Variants in SRRT observed in about 807,000 individuals in gnomAD.
SRRT encodes the protein serrate RNA effector molecule homolog.
SRRT carries 32 observed loss-of-function variants against 103.2 expected under a neutral mutation model. That is an observed-to-expected ratio of 0.31 (90% confidence interval 0.23 to 0.42). The LOEUF (loss-of-function observed/expected upper bound fraction) is 0.42, where lower values mean the gene tolerates loss of function less well. Among genes scored for constraint, SRRT ranks in the 10% least tolerant of loss-of-function variants. The pLI is 1.00. For missense variants in SRRT, 986 were observed against 1,207.5 expected, an observed-to-expected ratio of 0.82 and a Z score of 2.72; for synonymous variants, 525 against 449.0, an observed-to-expected ratio of 1.17 and a Z score of -2.14.
intron 2 of SRRT, among the ~76,000 whole-genome samples, chr7:100,878,432 T>C (rs746796565): frequency 6.6e-6 from 1 of 152,184 alleles, no homozygotes; most frequent in Non-Finnish European, 1.5e-5. Context: ...CATTTTGATA[T>C]TGGGTGAGAC....
At position 100,884,637 on chromosome 7, in the gene SRRT, G is replaced by C. The variant is rs1789908609; in HGVS notation, c.942+85G>C. The C allele has an allele frequency of 2.6e-6, 4 of 1,532,038 alleles. No homozygotes were observed. In the South Asian group the frequency reaches 3.5e-5, roughly 13 times the overall value. The allele number at this position is 1,532,038 out of a possible 1,614,324, so 94.9% of individuals were successfully genotyped here. A position where few individuals can be genotyped will look rare whatever the true frequency, so the allele number is the denominator to read the frequency against. ...GGGTCCATAGGAGCTAGAAGTAGGG[G>C]GCTGGGGAAAATGAACCTGTGGCCT... On this transcript the variant is annotated intron_variant, in intron 7 of 19. Transcript: ENST00000611405.
chr7:100,886,084 A>G (rs1291497531), intron 12 of SRRT, 143 bp downstream of exon 12: 3 of 1,283,256 alleles, frequency 2.3e-6, no homozygotes, highest in Admixed American at 4.1e-5. Flanking sequence ...TCTCTGGGCA[A>G]GGCTCTAGGG....
chr7:100,886,853 T>G lies in SRRT; in HGVS notation c.1706T>G (p.Val569Gly). Residue 569 changes from valine to glycine, a missense_variant, in exon 14 of 20, where the codon GTA becomes GGA. Val to Gly is a moderately radical substitution (Grantham distance 109). This residue lies in a region of SRRT where 349 missense variants were observed against 446.9 expected (regional missense o/e 0.78). Transcript: ENST00000611405. ...KNITDYLIEE[V>G]SAEEEELLGS... ...ATCACCGACTACCTGATCGAGGAAGTAAGCGCCGAGGAGGAGGAGCTGCTG... is the reference window on the plus strand; with the variant it reads ...ATCACCGACTACCTGATCGAGGAAGGAAGCGCCGAGGAGGAGGAGCTGCTG... The G allele has an allele frequency of 6.2e-7, 1 of 1,614,076 alleles. No homozygotes were observed. The highest frequency in any genetic ancestry group is 8.5e-7 in the Non-Finnish European group (1 of 1,179,990).
chr7:100,880,321 G>T (rs546888100), intron 2 of SRRT, among the ~76,000 whole-genome samples: 2 of 152,238 alleles, frequency 1.3e-5, no homozygotes, highest in African/African-American at 4.8e-5. Context: ...TTTGGTGGGG[G>T]GGATGAAGTC....
chr7:100,885,992 A>G lies in SRRT; in HGVS notation c.1458+51A>G. 6.3e-7 allele frequency: 1 copy of G among 1,582,812 alleles called. No individual in the cohort carries two copies. Among genetic ancestry groups the G allele is most frequent in the East Asian group, 2.2e-5 (1 of 44,710 alleles). On this transcript the variant is annotated intron_variant, in intron 12 of 19. Transcript: ENST00000611405. The surrounding 1 kb of genome is among the most constrained non-coding windows in gnomAD (Gnocchi z 4.8). ...GGAAGAGGAAGGGAGACTCTGTGCC[A>G]CACGGGACCTCTGTGTGACTTTGTT...
In SRRT at chr7:100,888,095, G is replaced by A. The variant is rs758306568; in HGVS notation, c.2380G>A (p.Gly794Ser). ...CCCCTACCCACACCAGACTCCCCAG[G>A]GCCTGATGCCCTATGGTCAGCCCCG... ...GLPYPHQTPQ[G>S]LMPYGQPRPP... The change falls in exon 18 of 20, where the codon GGC becomes AGC. Residue 794 changes from glycine to serine, a missense_variant. Physicochemically the swap from Gly to Ser is moderately conservative, Grantham distance 56 (BLOSUM62 0). Around this residue, in one of 6 missense-constraint regions of SRRT, gnomAD observed 178 missense variants for 189.6 expected, o/e 0.94. Coordinates refer to ENST00000611405, the MANE Select transcript of SRRT (RefSeq NM_015908.6). 8 of 1,609,672 alleles carry A rather than the reference G, an allele frequency of 5.0e-6. No homozygotes were observed. The East Asian group carries it at 1.6e-4, about 31-fold the overall frequency.
chr7:100,878,899 CT>C (rs1816011092), intron 2 of SRRT, among the ~76,000 whole-genome samples: 1 of 151,456 alleles, frequency 6.6e-6, no homozygotes, highest in African/African-American at 2.4e-5. Flanking sequence ...CTTTTCTTTT[CT>C]TTTCCTTTCT....
At chr7:100,877,554 C>G (rs1194067816) in intron 2 of SRRT, among the ~76,000 whole-genome samples, 1 of 151,094 alleles carries the variant, frequency 6.6e-6, no homozygotes, top group East Asian at 2.0e-4. Context: ...CAGAATCTTG[C>G]TCTGTCACCC....
chr7:100,875,432 C>T (rs774852768), intron 1 of SRRT, 104 bp downstream of exon 1: 4 of 1,468,598 alleles, frequency 2.7e-6, no homozygotes, highest in East Asian at 4.8e-5. Context: ...GGTGTTGGAG[C>T]CGCGTTCTCA....
At position 100,881,672 on chromosome 7, in the gene SRRT, T is replaced by C; in HGVS notation, c.265T>C (p.Ser89Pro). 1.2e-5 allele frequency: 20 copies of C among 1,614,012 alleles called. No individual in the cohort carries two copies. Among genetic ancestry groups the C allele is most frequent in the Non-Finnish European group, 1.5e-5 (18 of 1,180,006 alleles). Residue 89 changes from serine to proline, a missense_variant, in exon 4 of 20, where the codon TCT becomes CCT. Around this residue, in one of 6 missense-constraint regions of SRRT, gnomAD observed 274 missense variants for 358.5 expected, o/e 0.76. Coordinates refer to ENST00000611405, the MANE Select transcript of SRRT (RefSeq NM_015908.6). ...RMRRDWDEHSSDPYHSGYEMP... is the reference protein window; with the variant it reads ...RMRRDWDEHSPDPYHSGYEMP... ...CCCCACCTTCAGGGATGAGCACAGC[T>C]CTGACCCATACCACAGTGGCTATGA...
Position 100,887,052 on chromosome 7 carries a change from G to C in SRRT, c.1827G>C (p.Leu609Phe). The part of the protein sequence containing the change: ...VERDEKLIKV[L>F]DKLLLYLRIV... ...CTCGCATTCACTTCCCTTAGGTCTTGGACAAGCTCCTCCTTTACCTGCGCA... is the reference window on the plus strand; with the variant it reads ...CTCGCATTCACTTCCCTTAGGTCTTCGACAAGCTCCTCCTTTACCTGCGCA... The change falls in exon 15 of 20, where the codon TTG becomes TTC. Residue 609 changes from leucine to phenylalanine, a missense_variant. Around this residue, in one of 6 missense-constraint regions of SRRT, gnomAD observed 349 missense variants for 446.9 expected, o/e 0.78. Coordinates refer to ENST00000611405, the MANE Select transcript of SRRT (RefSeq NM_015908.6). The surrounding 1 kb of genome is among the most constrained non-coding windows in gnomAD (Gnocchi z 4.1). 1 of 1,614,174 alleles carries C rather than the reference G, an allele frequency of 6.2e-7. No individual in the cohort carries two copies. The highest frequency in any genetic ancestry group is 8.5e-7 in the Non-Finnish European group (1 of 1,180,020).
At position 100,887,675 on chromosome 7, in the gene SRRT, T is replaced by C; in HGVS notation, c.2170-28T>C. 1 of 1,598,838 alleles carries C rather than the reference T, an allele frequency of 6.3e-7. No homozygotes were observed. The highest frequency in any genetic ancestry group is 8.6e-7 in the Non-Finnish European group (1 of 1,168,182). Reference sequence around the variant, plus strand: ...GAGCGAGGCAACCCTTATGTGGCTGTCCTGACCCCTCTCCTCTCTCCACCC... The same window carrying C: ...GAGCGAGGCAACCCTTATGTGGCTGCCCTGACCCCTCTCCTCTCTCCACCC... On this transcript the variant is annotated intron_variant, in intron 16 of 19. Transcript: ENST00000611405. The surrounding 1 kb of genome is among the most constrained non-coding windows in gnomAD (Gnocchi z 4.1).
chr7:100,888,121 GC>G lies in SRRT; in HGVS notation c.2411del (p.Pro804ArgfsTer?). 6.2e-7 allele frequency: 1 copy of G among 1,610,444 alleles called. No individual in the cohort carries two copies. The highest frequency in any genetic ancestry group is 8.5e-7 in the Non-Finnish European group (1 of 1,178,114). On this transcript the variant is annotated frameshift_variant, in exon 18 of 20. Coordinates refer to ENST00000611405, the MANE Select transcript of SRRT (RefSeq NM_015908.6). LOFTEE classifies it high-confidence loss of function. The stretch of plus-strand genomic sequence containing the variant: ...GCCTGATGCCCTATGGTCAGCCCCG[GC>G]CCCCGATCTTGGGCTATGGAGGTAA... ...QGLMPYGQPR[P>X]PILGYGAGAV...
intron 5 of SRRT, among the ~76,000 whole-genome samples, chr7:100,883,376 A>C (rs1789756952): frequency 6.9e-6 from 1 of 144,972 alleles, no homozygotes. Flanking sequence ...TTTTCCTCAT[A>C]CTCCTCATTT....
At chr7:100,886,085 GGC>G (rs777332157) in intron 12 of SRRT, 144 bp downstream of exon 12, 130 of 1,269,058 alleles carry the variant, frequency 1.0e-4, no homozygotes, top group Admixed American at 2.6e-4. Flanking sequence ...CTCTGGGCAA[GGC>G]TCTAGGGCGT....
chr7:100,884,406 C>A lies in SRRT; in HGVS notation c.796C>A (p.Arg266Ser), dbSNP rs772392508. The A allele has an allele frequency of 6.2e-7, 1 of 1,613,626 alleles. No individual in the cohort carries two copies. Among genetic ancestry groups the A allele is most frequent in the Non-Finnish European group, 8.5e-7 (1 of 1,179,886 alleles). Residue 266 changes from arginine to serine, a missense_variant, in exon 7 of 20, where the codon CGC becomes AGC. By Grantham distance (110) the Arg-to-Ser change is moderately radical. This residue lies in a region of SRRT where 274 missense variants were observed against 358.5 expected (regional missense o/e 0.76). Transcript: ENST00000611405. ...KMEGGTENDL[R>S]ILEQEEEEEQ... The stretch of plus-strand genomic sequence containing the variant: ...GGAAGGAGGCACGGAGAATGATCTT[C>A]GCATCCTGGAGCAGGAGGAGGAGGA...
rs1433103217 is a variant in SRRT at position 100,884,607 on chromosome 7, G to T, written c.942+55G>T. 2.8e-6 allele frequency: 3 copies of T among 1,070,658 alleles called. 1 individual carries two copies. Among genetic ancestry groups the T allele is most frequent in the Non-Finnish European group, 4.0e-6 (3 of 742,302 alleles). The allele number at this position is 1,070,658 out of a possible 1,614,324, so 66.3% of individuals were successfully genotyped here. A position where few individuals can be genotyped will look rare whatever the true frequency, so the allele number is the denominator to read the frequency against. Reference sequence around the variant, plus strand: ...CCTGGCAGCCTGGGGGAGGGGGGCGGGTAGGGGTCCATAGGAGCTAGAAGT... The same window carrying T: ...CCTGGCAGCCTGGGGGAGGGGGGCGTGTAGGGGTCCATAGGAGCTAGAAGT... On this transcript the variant is annotated intron_variant, in intron 7 of 19. Coordinates refer to ENST00000611405, the MANE Select transcript of SRRT (RefSeq NM_015908.6).
At position 100,884,773 on chromosome 7, in the gene SRRT, A is replaced by G. The variant is rs750888769; in HGVS notation, c.976A>G (p.Lys326Glu). ...ENDSSNDDKT[K>E]KSEGDGDKEE... ...TGACAGTTCTAATGATGACAAAACA[A>G]AGAAGTCGGAGGGTGATGGGGACAA... The change falls in exon 8 of 20, where the codon AAG becomes GAG. Residue 326 changes from lysine (K) to glutamate (E), a missense_variant. By Grantham distance (56) the Lys-to-Glu change is moderately conservative. Around this residue, in one of 6 missense-constraint regions of SRRT, gnomAD observed 166 missense variants for 148.6 expected, o/e 1.12. Coordinates refer to ENST00000611405, the MANE Select transcript of SRRT (RefSeq NM_015908.6). 1.2e-6 allele frequency: 2 copies of G among 1,613,544 alleles called. No homozygotes were observed. The highest frequency in any genetic ancestry group is 1.7e-6 in the Non-Finnish European group (2 of 1,179,498).
At chr7:100,881,839 G>C in intron 4 of SRRT, 34 bp downstream of exon 4, 1 of 1,563,358 alleles carries the variant, frequency 6.4e-7, no homozygotes, top group Non-Finnish European at 8.6e-7. Flanking sequence ...AGGGTTGGTA[G>C]GCCTGGGGGA....
Sources: allele counts gnomAD v4.1 joint callset (sites outside exome capture counted in the v4.1 genomes callset), GRCh38; gene constraint gnomAD v4.1.1; regional missense constraint gnomAD v4.1.1; non-coding constraint Gnocchi (gnomAD v3.1); transcripts MANE v1.5; gene names NCBI Gene and HGNC (gene_info 2026-07-23, HGNC 2026-07-21).